The following ALMS1 variants were observed in gnomAD, a reference collection of about 807,000 sequenced individuals.
ALMS1 encodes centrosome-associated protein ALMS1.
Under a neutral mutation model 352.2 loss-of-function variants are expected in ALMS1, and 271 were observed. The ratio of observed to expected loss-of-function variants is 0.77; its 90% CI spans 0.70 to 0.85. ALMS1 has a LOEUF of 0.85. Ranked by LOEUF, ALMS1 falls within the 40% of genes least tolerant of loss-of-function variation. ALMS1 has a pLI of 0.00. For missense variants in ALMS1, 5,445 were observed against 4,870.7 expected, an observed-to-expected ratio of 1.12 and a Z score of -3.51; for synonymous variants, 1,865 against 1,761.2, an observed-to-expected ratio of 1.06 and a Z score of -1.48.
chr2:73,557,907 G>A (rs1373687670), intron 14 of ALMS1, among the ~76,000 whole-genome samples: 1 of 152,222 alleles, frequency 6.6e-6, no homozygotes, highest in Non-Finnish European at 1.5e-5. Context: ...CCAGAGGTAA[G>A]CATCCAGAGT....
intron 9 of ALMS1, among the ~76,000 whole-genome samples, chr2:73,463,708 T>C (rs1672260598): frequency 7.6e-6 from 1 of 131,816 alleles, no homozygotes; most frequent in Non-Finnish European, 1.6e-5. Context: ...GCAAGACTAA[T>C]AAAGAAAAAA....
chr2:73,400,042 GTCC>G (rs1441188419), intron 1 of ALMS1, among the ~76,000 whole-genome samples: 6 of 149,994 alleles, frequency 4.0e-5, no homozygotes, highest in African/African-American at 1.2e-4. Context: ...GGCTCAAGCC[GTCC>G]TCCTACTTCA....
At chr2:73,571,783 A>G (rs901334824) in intron 15 of ALMS1, among the ~76,000 whole-genome samples, 1 of 152,204 alleles carries the variant, frequency 6.6e-6, no homozygotes, top group African/African-American at 2.4e-5. Context: ...AAGGGCTCTA[A>G]AACATGTAAA....
chr2:73,491,001 C>G lies in ALMS1; in HGVS notation c.9042C>G (p.Ala3014=), dbSNP rs769455651. 9 of 1,614,122 alleles carry G rather than the reference C, an allele frequency of 5.6e-6. No homozygotes were observed. Among genetic ancestry groups the G allele is most frequent in the Non-Finnish European group, 7.6e-6 (9 of 1,180,018 alleles). The change falls in exon 10 of 23, where the codon GCC becomes GCG. Residue 3014 remains alanine (A), a synonymous_variant. Coordinates refer to ENST00000613296, the MANE Select transcript of ALMS1 (RefSeq NM_001378454.1). ...KSHISNINVE[A]KFNTVVSQSA... ...ACATTTCTAATATAAATGTTGAAGC[C>G]AAGTTCAATACTGTGGTCTCCCAGT... is the stretch of plus-strand genomic sequence containing the variant.
intron 3 of ALMS1, 23 bp from the exon 4 acceptor site, chr2:73,422,834 A>G: frequency 6.4e-7 from 1 of 1,563,786 alleles, no homozygotes; most frequent in Non-Finnish European, 8.8e-7. Context: ...ATTACCCAGC[A>G]TTTAATATTT....
chr2:73,478,416 A>G (rs1414251191), intron 9 of ALMS1, among the ~76,000 whole-genome samples: 2 of 152,184 alleles, frequency 1.3e-5, no homozygotes, highest in African/African-American at 2.4e-5. Flanking sequence ...TAATTGTTGG[A>G]AAGGAAGAAG....
At chr2:73,491,646 G>GTCCT in intron 10 of ALMS1, 148 bp downstream of exon 10, 1 of 853,086 alleles carries the variant, frequency 1.2e-6, no homozygotes, top group South Asian at 1.5e-5. Flanking sequence ...AGTCTTTCAA[G>GTCCT]GAATAAATGT....
At chr2:73,408,864 CT>C (rs58686365) in intron 2 of ALMS1, 117 bp downstream of exon 2, 21,325 of 184,826 alleles carry the variant, frequency 0.12, 102 homozygotes, top group South Asian at 0.15. Flanking sequence ...GTTTTCTTGT[CT>C]TTTTTTTTTT....
intron 16 of ALMS1, among the ~76,000 whole-genome samples, chr2:73,585,751 G>A (rs1350342453): frequency 2.2e-5 from 2 of 89,828 alleles, no homozygotes; most frequent in Non-Finnish European, 4.3e-5. Context: ...TCCCCGAGAC[G>A]GAGTCTCGCT....
intron 10 of ALMS1, among the ~76,000 whole-genome samples, chr2:73,507,946 A>G (rs1023570617): frequency 9.2e-5 from 14 of 152,012 alleles, no homozygotes; most frequent in African/African-American, 3.4e-4. Context: ...ACACTGCTTT[A>G]AATGTGTCCC....
chr2:73,437,937 C>T (rs776992803), intron 7 of ALMS1, among the ~76,000 whole-genome samples: 4 of 152,086 alleles, frequency 2.6e-5, no homozygotes, highest in Non-Finnish European at 5.9e-5. Context: ...CCAATCACAC[C>T]CTCCTACAGA....
At chr2:73,592,864 C>T (rs1675461151) in intron 16 of ALMS1, among the ~76,000 whole-genome samples, 1 of 152,186 alleles carries the variant, frequency 6.6e-6, no homozygotes, top group Non-Finnish European at 1.5e-5. Context: ...TGAGATGGTA[C>T]ATTTACTTTC....
At chr2:73,439,602 G>A (rs898371859) in intron 7 of ALMS1, among the ~76,000 whole-genome samples, 1 of 152,112 alleles carries the variant, frequency 6.6e-6, no homozygotes, top group African/African-American at 2.4e-5. Flanking sequence ...GTACGGTGGT[G>A]TGATCTCGGC....
intron 15 of ALMS1, among the ~76,000 whole-genome samples, chr2:73,565,900 G>A (rs1305322755): frequency 2.6e-5 from 4 of 152,154 alleles, no homozygotes; most frequent in African/African-American, 9.7e-5. Flanking sequence ...CCTAAGAGAA[G>A]CCTAAGGAGA....
chr2:73,539,653 G>A (rs575146789), intron 12 of ALMS1, among the ~76,000 whole-genome samples: 1 of 152,164 alleles, frequency 6.6e-6, no homozygotes, highest in Non-Finnish European at 1.5e-5. Context: ...TGGCTAACTA[G>A]AATAACCAAT....
chr2:73,476,251 T>C (rs1315660851), intron 9 of ALMS1, among the ~76,000 whole-genome samples: 1 of 152,122 alleles, frequency 6.6e-6, no homozygotes, highest in Non-Finnish European at 1.5e-5. Context: ...GATTATATTA[T>C]TCCATTGTAT....
rs774572830 is a variant in ALMS1 at position 73,490,488 on chromosome 2, C to T, written c.8529C>T (p.Thr2843=). The T allele has an allele frequency of 3.1e-6, 5 of 1,614,102 alleles. No individual in the cohort carries two copies. Reference sequence around the variant, plus strand: ...AAATTCAGATTTCTGATAACCATACCCTTATTAGCATGGGCAGACCAAGTT... The same window carrying T: ...AAATTCAGATTTCTGATAACCATACTCTTATTAGCATGGGCAGACCAAGTT... The part of the protein sequence containing the change: ...FKEIQISDNH[T]LISMGRPSST... The change falls in exon 10 of 23, where the codon ACC becomes ACT. Residue 2843 remains threonine (T), a synonymous_variant. Transcript: ENST00000613296.
chr2:73,402,305 G>T (rs113054081), intron 1 of ALMS1, among the ~76,000 whole-genome samples: 1 of 122,500 alleles, frequency 8.2e-6, no homozygotes, highest in Non-Finnish European at 1.6e-5. Context: ...ACAGAATCTC[G>T]CTCTGTTGCT....
intron 2 of ALMS1, among the ~76,000 whole-genome samples, chr2:73,409,278 T>C (rs539721256): frequency 7.2e-5 from 11 of 152,234 alleles, no homozygotes; most frequent in East Asian, 1.9e-4. Flanking sequence ...TTTTTATTTT[T>C]AGTTTAAAAA....
Sources: gnomAD v4.1 joint callset for allele counts (sites outside exome capture counted in the v4.1 genomes callset) on GRCh38, gnomAD v4.1.1 for gene constraint, MANE v1.5 for transcripts, NCBI Gene and HGNC (gene_info 2026-07-23, HGNC 2026-07-21) for gene names.